Variants in SMARCAD1 observed in about 807,000 individuals in gnomAD.
The protein encoded by SMARCAD1 is SNF2 related chromatin remodeling ATPase with DExD box 1.
A neutral mutation model predicts 127.1 loss-of-function variants in SMARCAD1; 25 were observed. The observed-to-expected ratio is 0.20, with a 90% CI of 0.14 to 0.27. SMARCAD1 has a LOEUF of 0.27. Ranked by LOEUF, SMARCAD1 falls within the 10% of genes least tolerant of loss-of-function variation. SMARCAD1 has a pLI of 1.00. For missense variants in SMARCAD1, 807 were observed against 1,206.0 expected, an observed-to-expected ratio of 0.67 and a Z score of 4.90; for synonymous variants, 400 against 396.9, an observed-to-expected ratio of 1.01 and a Z score of -0.09.
intron 11 of SMARCAD1, among the ~76,000 whole-genome samples, chr4:94,271,119 GA>G (rs1191160665): frequency 6.6e-6 from 1 of 152,078 alleles, no homozygotes; most frequent in Non-Finnish European, 1.5e-5. Flanking sequence ...ACTTAAACAA[GA>G]ACTAGTTTGG....
At chr4:94,282,102 T>TG (rs1553921650) in intron 21 of SMARCAD1, among the ~76,000 whole-genome samples, 2 of 81,876 alleles carry the variant, frequency 2.4e-5, no homozygotes, top group African/African-American at 9.5e-5. Flanking sequence ...GTTTTTTTGT[T>TG]TTTTTTTTTT....
intron 9 of SMARCAD1, among the ~76,000 whole-genome samples, chr4:94,261,339 C>G (rs1750951931): frequency 6.6e-6 from 1 of 152,110 alleles, no homozygotes; most frequent in Non-Finnish European, 1.5e-5. Flanking sequence ...TATCACTAAA[C>G]TCATAATATG....
chr4:94,223,974 T>A (rs1440516154), intron 2 of SMARCAD1, among the ~76,000 whole-genome samples: 1 of 152,086 alleles, frequency 6.6e-6, no homozygotes, highest in Non-Finnish European at 1.5e-5. Flanking sequence ...TTTAATACAG[T>A]AAAGATCTAA....
chr4:94,280,878 T>C (rs1313894122), intron 20 of SMARCAD1, 98 bp downstream of exon 20: 2 of 1,117,824 alleles, frequency 1.8e-6, no homozygotes, highest in Non-Finnish European at 2.7e-6. Flanking sequence ...AGCCTATGTC[T>C]GTTCTGCATT....
intron 22 of SMARCAD1, among the ~76,000 whole-genome samples, chr4:94,284,325 T>TAAAAAA (rs1754547876): frequency 6.6e-5 from 1 of 15,260 alleles, no homozygotes. Flanking sequence ...AGACTCCGTC[T>TAAAAAA]CAAAAAAAAA....
At chr4:94,274,995 A>T in intron 14 of SMARCAD1, 30 bp downstream of exon 14, 1 of 1,451,598 alleles carries the variant, frequency 6.9e-7, no homozygotes, top group Non-Finnish European at 9.7e-7. Flanking sequence ...GGGAGGATGG[A>T]TATTTATGCA....
chr4:94,260,779 C>G (rs1427111840), intron 9 of SMARCAD1, among the ~76,000 whole-genome samples: 1 of 152,176 alleles, frequency 6.6e-6, no homozygotes, highest in Non-Finnish European at 1.5e-5. Flanking sequence ...TTTTCCAGCT[C>G]TCAAAGTGAT....
chr4:94,220,241 TTTTA>T (rs1488453690), intron 2 of SMARCAD1, among the ~76,000 whole-genome samples: 1 of 152,138 alleles, frequency 6.6e-6, no homozygotes, highest in Non-Finnish European at 1.5e-5. Flanking sequence ...CTTTTACTGA[TTTTA>T]TTTATTATTA....
intron 10 of SMARCAD1, among the ~76,000 whole-genome samples, chr4:94,269,885 C>A (rs1752294976): frequency 6.6e-6 from 1 of 151,896 alleles, no homozygotes; most frequent in Non-Finnish European, 1.5e-5. Flanking sequence ...GTTGCCCAGG[C>A]TGGTCGCGAA....
Position 94,246,438 on chromosome 4 carries a change from G to A in SMARCAD1, c.706-3216G>A, listed in dbSNP as rs570448632. ...CCAGCCATAACTGACAATCTTAAGA[G>A]GTATTTTATAAAATGAATCAAGCAG... On this transcript the variant is annotated intron_variant, in intron 6 of 23. Transcript: ENST00000354268. 2.0e-5 allele frequency among the ~76,000 whole-genome samples: 3 copies of A among 152,186 alleles called. No homozygotes were observed. In the South Asian group the frequency reaches 6.2e-4, roughly 32 times the overall value.
chr4:94,211,627 T>C (rs1742278424), intron 2 of SMARCAD1, among the ~76,000 whole-genome samples: 1 of 152,208 alleles, frequency 6.6e-6, no homozygotes, highest in Non-Finnish European at 1.5e-5. Context: ...TCTTTTTGAC[T>C]AATCCTGTTA....
chr4:94,245,185 A>C (rs1560534785), intron 6 of SMARCAD1, among the ~76,000 whole-genome samples: 1 of 152,240 alleles, frequency 6.6e-6, no homozygotes, highest in Non-Finnish European at 1.5e-5. Flanking sequence ...CGGAGCAGTC[A>C]AAAATGAGGA....
chr4:94,275,551 T>C (rs952199232), intron 14 of SMARCAD1, among the ~76,000 whole-genome samples: 13 of 152,122 alleles, frequency 8.5e-5, no homozygotes, highest in African/African-American at 1.2e-4. Context: ...CGGAATTTTA[T>C]TTTTTCTTAA....
chr4:94,239,006 TC>T (rs1747148943), intron 5 of SMARCAD1, among the ~76,000 whole-genome samples: 1 of 152,222 alleles, frequency 6.6e-6, no homozygotes. Context: ...TTTTTCTTAT[TC>T]CATTGTACTT....
chr4:94,254,841 C>G (rs1749811026), intron 9 of SMARCAD1, among the ~76,000 whole-genome samples: 1 of 151,972 alleles, frequency 6.6e-6, no homozygotes, highest in Non-Finnish European at 1.5e-5. Flanking sequence ...TTTTAATTTG[C>G]TTAGAACTTT....
intron 11 of SMARCAD1, among the ~76,000 whole-genome samples, chr4:94,271,174 T>C (rs550952306): frequency 6.6e-6 from 1 of 152,388 alleles, no homozygotes; most frequent in Admixed American, 6.5e-5. Flanking sequence ...GTTGTGTATG[T>C]ACATGTGTAC....
chr4:94,285,908 G>C (rs564949070), intron 23 of SMARCAD1, among the ~76,000 whole-genome samples: 9 of 152,340 alleles, frequency 5.9e-5, no homozygotes, highest in Non-Finnish European at 1.2e-4. Context: ...ATACAGTAAA[G>C]TGAATGCATA....
chr4:94,221,629 A>G (rs1437378975), intron 2 of SMARCAD1, among the ~76,000 whole-genome samples: 2 of 152,212 alleles, frequency 1.3e-5, no homozygotes, highest in Non-Finnish European at 2.9e-5. Context: ...TGACAAATAT[A>G]AAACAGTGTC....
At chr4:94,283,382 T>A in intron 22 of SMARCAD1, 79 bp downstream of exon 22, 1 of 1,428,634 alleles carries the variant, frequency 7.0e-7, no homozygotes, top group Non-Finnish European at 9.8e-7. Context: ...TAGTGTTGGA[T>A]GTCCTGCCTT....
Sources: gnomAD v4.1 joint callset for allele counts (sites outside exome capture counted in the v4.1 genomes callset) on GRCh38, gnomAD v4.1.1 for gene constraint, MANE v1.5 for transcripts, NCBI Gene and HGNC (gene_info 2026-07-23, HGNC 2026-07-21) for gene names.